The following FAM98B variants were observed in gnomAD, a reference collection of about 807,000 sequenced individuals.
FAM98B encodes tRNA-splicing ligase complex subunit FAM98B.
A neutral mutation model predicts 43.9 loss-of-function variants in FAM98B; 32 were observed. The observed-to-expected ratio is 0.73, with a 90% CI of 0.55 to 0.98. The LOEUF (loss-of-function observed/expected upper bound fraction) is 0.98. Among genes scored for constraint, FAM98B ranks in the 50% least tolerant of loss-of-function variants. The pLI is 0.00. For synonymous variants in FAM98B, 190 were observed against 174.0 expected (o/e 1.09, Z -0.72); for missense variants, 514 against 522.9 (o/e 0.98, Z 0.17).
chr15:38,468,350 G>T (rs1477080678), intron 3 of FAM98B, among the ~76,000 whole-genome samples: 2 of 152,026 alleles, frequency 1.3e-5, no homozygotes, highest in Non-Finnish European at 2.9e-5. Flanking sequence ...ATCTCAGCCT[G>T]CATAACTGGG....
intron 3 of FAM98B, among the ~76,000 whole-genome samples, chr15:38,467,328 G>T (rs1331444791): frequency 6.6e-6 from 1 of 152,142 alleles, no homozygotes; most frequent in African/African-American, 2.4e-5. Context: ...ACTATGTAAA[G>T]AGCTTTTATA....
rs188207981 is a variant in FAM98B, at chr15:38,476,896, C to T, written c.729+2598C>T. Among the ~76,000 whole-genome samples, 221 of 151,950 alleles carry T rather than the reference C, an allele frequency of 1.5e-3. 2 individuals carry two copies. The highest frequency in any genetic ancestry group is 4.9e-3 in the African/African-American group (202 of 41,460). Reference sequence around the variant, plus strand: ...GTCCCAGCTACTCAGGAGGCTGGGGCGGGTGGATTGCTTGAGCCCAGGAGT... The same window carrying T: ...GTCCCAGCTACTCAGGAGGCTGGGGTGGGTGGATTGCTTGAGCCCAGGAGT... On this transcript the variant is annotated intron_variant, in intron 6 of 7. Coordinates refer to ENST00000397609, the MANE Select transcript of FAM98B (RefSeq NM_173611.4).
At chr15:38,477,774 G>T (rs1240190451) in intron 6 of FAM98B, among the ~76,000 whole-genome samples, 1 of 152,182 alleles carries the variant, frequency 6.6e-6, no homozygotes, top group Non-Finnish European at 1.5e-5. Context: ...TTCTGCATGT[G>T]TGCCAGGATA....
chr15:38,465,504 A>G, intron 3 of FAM98B, 101 bp downstream of exon 3: 1 of 1,134,506 alleles, frequency 8.8e-7, no homozygotes, highest in Non-Finnish European at 1.2e-6. Flanking sequence ...GTATATTAAA[A>G]GGGTTTTAAT....
At position 38,454,219 on chromosome 15, in the gene FAM98B, C is replaced by G. The variant is rs772084196; in HGVS notation, c.58C>G (p.Leu20Val). 2.5e-6 allele frequency: 4 copies of G among 1,602,938 alleles called. No homozygotes were observed. Among genetic ancestry groups the G allele is most frequent in the Non-Finnish European group, 3.4e-6 (4 of 1,176,050 alleles). Residue 20 changes from leucine to valine, a missense_variant, in exon 1 of 8, where the codon CTG becomes GTG. Physicochemically the swap from Leu to Val is conservative, Grantham distance 32 (BLOSUM62 1). Transcript: ENST00000397609. ...PTMEGDVLDTLEALGYKGPLL... is the reference protein window; with the variant it reads ...PTMEGDVLDTVEALGYKGPLL... ...GATGGAGGGAGACGTGCTGGACACA[C>G]TGGAGGCGCTGGGGTGAGTGCTTTT...
rs1328443323 is a variant in FAM98B, at chr15:38,484,616, G to C, written c.1259G>C (p.Gly420Ala). The C allele has an allele frequency of 4.2e-5, 63 of 1,494,822 alleles. No individual in the cohort carries two copies. Among genetic ancestry groups the C allele is most frequent in the Non-Finnish European group, 5.3e-5 (60 of 1,126,888 alleles). 92.6% of individuals were successfully genotyped at this position (1,494,822 alleles called of 1,614,324 possible). ...YGDPYGGGGG[G>A]GGGGGGGGGY... ...GATCCATATGGAGGAGGTGGTGGTGGTGGTGGTGGTGGTGGTGGAGGAGGT... is the reference window on the plus strand; with the variant it reads ...GATCCATATGGAGGAGGTGGTGGTGCTGGTGGTGGTGGTGGTGGAGGAGGT... Residue 420 changes from glycine (G) to alanine (A), a missense_variant, in exon 8 of 8, where the codon GGT (glycine) becomes GCT (alanine). Transcript: ENST00000397609.
intron 3 of FAM98B, among the ~76,000 whole-genome samples, chr15:38,467,936 C>T (rs190555988): frequency 6.4e-4 from 98 of 152,208 alleles, no homozygotes; most frequent in African/African-American, 2.0e-3. Context: ...AAGGAACAAA[C>T]GCACACAGAT....
At position 38,486,117 on chromosome 15, in the gene FAM98B, A is replaced by G. The variant is rs1358214215; in HGVS notation, c.*1458A>G. ...TAATGTTAAAACCCTAAAAGTAACT[A>G]TTGAATATTCTGTAATCTTAGACAT... On this transcript the variant is annotated 3_prime_UTR_variant, in exon 8 of 8. Transcript: ENST00000397609. 7 of 152,290 alleles carry G rather than the reference A, an allele frequency of 4.6e-5. No individual in the cohort carries two copies. Among genetic ancestry groups the G allele is most frequent in the Middle Eastern group, 3.4e-3 (1 of 294 alleles). The allele number at this position is 152,290 out of a possible 1,614,324, so 9.4% of individuals were successfully genotyped here.
chr15:38,481,579 G>T, intron 7 of FAM98B, 120 bp downstream of exon 7: 1 of 1,611,884 alleles, frequency 6.2e-7, no homozygotes, highest in African/African-American at 1.3e-5. Flanking sequence ...AGAGTGGCAG[G>T]GGGGTTCAGT....
At chr15:38,475,810 G>C (rs1245715131) in intron 6 of FAM98B, among the ~76,000 whole-genome samples, 2 of 152,222 alleles carry the variant, frequency 1.3e-5, no homozygotes, top group African/African-American at 4.8e-5. Flanking sequence ...TTACAAAGGG[G>C]CTTCTAAATG....
intron 1 of FAM98B, among the ~76,000 whole-genome samples, chr15:38,456,420 C>T (rs147047573): frequency 3.1e-4 from 47 of 152,184 alleles, no homozygotes; most frequent in African/African-American, 1.1e-3. Flanking sequence ...GATTCACAGA[C>T]TCAGTTGAGA....
At chr15:38,473,708 G>T (rs892046431) in intron 5 of FAM98B, 123 bp downstream of exon 5, 3 of 701,016 alleles carry the variant, frequency 4.3e-6, no homozygotes, top group Non-Finnish European at 6.9e-6. Flanking sequence ...AATTAAAATT[G>T]ATTGATATTC....
chr15:38,455,209 A>G (rs1889829599), intron 1 of FAM98B, among the ~76,000 whole-genome samples: 1 of 152,226 alleles, frequency 6.6e-6, no homozygotes, highest in Admixed American at 6.5e-5. Context: ...GAATGAGTAA[A>G]TGAATGAAGA....
intron 1 of FAM98B, among the ~76,000 whole-genome samples, chr15:38,461,175 C>G (rs946616447): frequency 5.4e-5 from 8 of 148,610 alleles, no homozygotes; most frequent in Admixed American, 1.3e-4. Flanking sequence ...TAAATTTCTT[C>G]AAGAGTTTAT....
At chr15:38,481,729 C>A in intron 7 of FAM98B, 2 of 999,240 alleles carry the variant, frequency 2.0e-6, no homozygotes, top group South Asian at 3.6e-5. Flanking sequence ...TTCCATCTTT[C>A]TAAAAAGTAA....
chr15:38,459,078 G>A (rs1889903013), intron 1 of FAM98B: 2 of 342,280 alleles, frequency 5.8e-6, no homozygotes, highest in African/African-American at 2.1e-5. Context: ...GGCAGTGAAG[G>A]GAACACATTC....
chr15:38,464,074 G>T lies in FAM98B; in HGVS notation c.114G>T (p.Ala38=), dbSNP rs115849049. The part of the protein sequence containing the change: ...PLLEEQALTK[A]AEGGLSSPEF... ...TAGAAGAGCAAGCCCTTACAAAGGC[G>T]GCAGAGGGTGGATTATCTTCACCTG... is the stretch of plus-strand genomic sequence containing the variant. Residue 38 remains alanine (A), a synonymous_variant, in exon 2 of 8, where the codon GCG becomes GCT. Transcript: ENST00000397609. The T allele has an allele frequency of 1.2e-6, 2 of 1,613,054 alleles. No homozygotes were observed. The highest frequency in any genetic ancestry group is 1.7e-6 in the Non-Finnish European group (2 of 1,179,590).
At chr15:38,459,226 A>C in intron 1 of FAM98B, 1 of 464,322 alleles carries the variant, frequency 2.2e-6, no homozygotes, top group South Asian at 1.7e-5. Context: ...GGCTTCATCC[A>C]GGTCAGTGAC....
At chr15:38,462,701 C>T (rs535831937) in intron 1 of FAM98B, among the ~76,000 whole-genome samples, 113 of 151,996 alleles carry the variant, frequency 7.4e-4, no homozygotes, top group Non-Finnish European at 1.3e-3. Context: ...AAATGTAAAA[C>T]AAAATAAGTA....
Sources: gnomAD v4.1 joint callset for allele counts (sites outside exome capture counted in the v4.1 genomes callset) on GRCh38, gnomAD v4.1.1 for gene constraint, MANE v1.5 for transcripts, NCBI Gene and HGNC (gene_info 2026-07-23, HGNC 2026-07-21) for gene names.